Variants in PRKG2 observed in about 807,000 individuals in gnomAD.
PRKG2 encodes cGMP-dependent protein kinase 2.
PRKG2 carries 33 observed loss-of-function variants against 97.2 expected under a neutral mutation model. The ratio of observed to expected loss-of-function variants is 0.34; its 90% CI spans 0.26 to 0.45. PRKG2 has a LOEUF of 0.45. Among genes scored for constraint, PRKG2 ranks in the 20% least tolerant of loss-of-function variants. The pLI, the probability that PRKG2 is intolerant of heterozygous loss-of-function variation, is 1.00. For missense variants in PRKG2, 638 were observed against 900.0 expected, an observed-to-expected ratio of 0.71 and a Z score of 3.73; for synonymous variants, 330 against 321.8, an observed-to-expected ratio of 1.03 and a Z score of -0.27.
intron 11 of PRKG2, 98 bp downstream of exon 11, chr4:81,142,695 GC>G (rs1747411237): frequency 7.6e-7 from 1 of 1,320,818 alleles, no homozygotes; most frequent in Non-Finnish European, 1.0e-6. Context: ...ATTTAAGATA[GC>G]AGTAACAATT....
intron 1 of PRKG2, among the ~76,000 whole-genome samples, chr4:81,213,652 C>G (rs774515337): frequency 6.6e-6 from 1 of 152,012 alleles, no homozygotes; most frequent in Non-Finnish European, 1.5e-5. Flanking sequence ...GTCTGTAGCT[C>G]CAGGATAATG....
intron 2 of PRKG2, among the ~76,000 whole-genome samples, chr4:81,184,311 C>A (rs1464282349): frequency 6.6e-6 from 1 of 152,172 alleles, no homozygotes; most frequent in African/African-American, 2.4e-5. Context: ...AGGCAGCAAT[C>A]TTTGCTGTTC....
At chr4:81,104,485 T>C in intron 16 of PRKG2, 53 bp from the exon 17 acceptor site, 2 of 858,564 alleles carry the variant, frequency 2.3e-6, no homozygotes, top group Non-Finnish European at 1.6e-6. Context: ...TTATAATAAT[T>C]ATAATTCAGA....
intron 14 of PRKG2, among the ~76,000 whole-genome samples, chr4:81,125,290 A>C (rs1482726433): frequency 6.6e-6 from 1 of 152,220 alleles, no homozygotes; most frequent in Non-Finnish European, 1.5e-5. Flanking sequence ...ATTTCAAAAA[A>C]TTCCCTCAAG....
chr4:81,205,141 G>C (rs2110130846), intron 1 of PRKG2, 81 bp from the exon 2 acceptor site: 2 of 860,660 alleles, frequency 2.3e-6, no homozygotes, highest in African/African-American at 1.7e-5. Flanking sequence ...TTCCTATCTT[G>C]TTTCATAAAT....
At chr4:81,140,495 G>C (rs180787928) in intron 12 of PRKG2, 38 bp downstream of exon 12, 7 of 1,505,588 alleles carry the variant, frequency 4.6e-6, no homozygotes, top group Non-Finnish European at 6.2e-6. Flanking sequence ...TAAAGAGCCT[G>C]AAAATCCTAA....
In PRKG2 at chr4:81,144,276, T is replaced by A; in HGVS notation, c.1209A>T (p.Gly403=). The part of the protein sequence containing the change: ...TFEELQKYLE[G]YVANLNRDDE... ...CATCACGGTTCAGGTTTGCCACATA[T>A]CCTTCAAGGTATTTTTGCAGCTCTT... is the stretch of plus-strand genomic sequence containing the variant. The change falls in exon 10 of 19, where the codon GGA becomes GGT. Residue 403 remains glycine (G), a synonymous_variant. Coordinates refer to ENST00000264399, the MANE Select transcript of PRKG2 (RefSeq NM_006259.3). 1 of 1,612,628 alleles carries A rather than the reference T, an allele frequency of 6.2e-7. No individual in the cohort carries two copies.
chr4:81,188,025 A>T (rs1382036325), intron 2 of PRKG2, among the ~76,000 whole-genome samples: 1 of 152,206 alleles, frequency 6.6e-6, no homozygotes, highest in Non-Finnish European at 1.5e-5. Context: ...GATAAATGGG[A>T]TCTCATTAAA....
intron 9 of PRKG2, 74 bp from the exon 10 acceptor site, chr4:81,144,404 TA>T: frequency 8.4e-7 from 1 of 1,187,818 alleles, no homozygotes; most frequent in Non-Finnish European, 1.2e-6. Context: ...TCTAAGCTCA[TA>T]AAACACAAGC....
intron 14 of PRKG2, among the ~76,000 whole-genome samples, chr4:81,115,846 A>G (rs1430101500): frequency 6.6e-6 from 1 of 152,198 alleles, no homozygotes; most frequent in Non-Finnish European, 1.5e-5. Context: ...ATAAATTTTT[A>G]CGTTTCTCAA....
Position 81,197,217 on chromosome 4 carries a change from C to T in PRKG2, c.461+7370G>A, listed in dbSNP as rs556606254. Among the ~76,000 whole-genome samples the T allele has an allele frequency of 2.6e-5, 4 of 152,246 alleles. No homozygotes were observed. The South Asian group carries it at 8.3e-4, about 32-fold the overall frequency. Reference sequence around the variant, plus strand: ...CAATGACGCTATTTCTACTACAGTCCTTCCTGGGTATCTAGCAAGGAATGG... The same window carrying T: ...CAATGACGCTATTTCTACTACAGTCTTTCCTGGGTATCTAGCAAGGAATGG... On this transcript the variant is annotated intron_variant, in intron 2 of 18. Transcript: ENST00000264399.
chr4:81,175,005 T>C (rs1344372513), intron 2 of PRKG2, 46 bp from the exon 3 acceptor site: 12 of 1,485,422 alleles, frequency 8.1e-6, no homozygotes, highest in East Asian at 4.6e-5. Context: ...ATGAAAATCA[T>C]GTTTTACTAT....
At chr4:81,199,966 AAT>A (rs1177049113) in intron 2 of PRKG2, among the ~76,000 whole-genome samples, 1 of 152,186 alleles carries the variant, frequency 6.6e-6, no homozygotes, top group Non-Finnish European at 1.5e-5. Flanking sequence ...ATGAAAGAAC[AAT>A]AGTTTCAAAT....
At chr4:81,146,322 T>A (rs1361911803) in intron 9 of PRKG2, among the ~76,000 whole-genome samples, 1 of 152,194 alleles carries the variant, frequency 6.6e-6, no homozygotes, top group African/African-American at 2.4e-5. Context: ...TGCTGTGATA[T>A]TCAAATAGCC....
chr4:81,163,860 T>C (rs908629625), intron 6 of PRKG2, among the ~76,000 whole-genome samples: 4 of 129,440 alleles, frequency 3.1e-5, no homozygotes, highest in East Asian at 2.5e-4. Flanking sequence ...ACCAGATGTA[T>C]AGTACACACA....
intron 14 of PRKG2, among the ~76,000 whole-genome samples, chr4:81,120,373 TTC>T (rs1198655416): frequency 6.6e-6 from 1 of 152,236 alleles, no homozygotes; most frequent in East Asian, 1.9e-4. Flanking sequence ...ATCAGTTAAA[TTC>T]CTTTACATTT....
At chr4:81,130,034 C>T (rs532206725) in intron 14 of PRKG2, among the ~76,000 whole-genome samples, 39 of 152,166 alleles carry the variant, frequency 2.6e-4, no homozygotes, top group Non-Finnish European at 4.7e-4. Flanking sequence ...CTCGTAGTGA[C>T]AAAATCTTTC....
At chr4:81,155,795 A>G (rs1371343899) in intron 6 of PRKG2, among the ~76,000 whole-genome samples, 1 of 148,336 alleles carries the variant, frequency 6.7e-6, no homozygotes, top group East Asian at 2.0e-4. Flanking sequence ...AAAGAAAAGA[A>G]TTTTCAACCC....
At chr4:81,164,238 A>T (rs1426722848) in intron 6 of PRKG2, among the ~76,000 whole-genome samples, 1 of 152,166 alleles carries the variant, frequency 6.6e-6, no homozygotes, top group Non-Finnish European at 1.5e-5. Flanking sequence ...TTTGTAGATG[A>T]AGAGATGATA....
Sources: gnomAD v4.1 joint callset for allele counts (sites outside exome capture counted in the v4.1 genomes callset) on GRCh38, gnomAD v4.1.1 for gene constraint, MANE v1.5 for transcripts, NCBI Gene and HGNC (gene_info 2026-07-23, HGNC 2026-07-21) for gene names.